Variants in KMT2E observed in about 807,000 individuals in gnomAD.
The protein encoded by KMT2E is lysine methyltransferase 2E (inactive).
In KMT2E, 30 loss-of-function variants were observed where a neutral mutation model predicts 184.6. The ratio of observed to expected loss-of-function variants is 0.16; its 90% CI spans 0.12 to 0.22. KMT2E has a LOEUF of 0.22. Among genes scored for constraint, KMT2E ranks in the 10% least tolerant of loss-of-function variants. KMT2E has a pLI of 1.00. For synonymous variants in KMT2E, 815 were observed against 776.5 expected, an observed-to-expected ratio of 1.05 and a Z score of -0.82; for missense variants, 2,023 against 2,237.4, an observed-to-expected ratio of 0.90 and a Z score of 1.93.
At chr7:105,040,358 A>G (rs911811158) in intron 2 of KMT2E, among the ~76,000 whole-genome samples, 5 of 152,164 alleles carry the variant, frequency 3.3e-5, no homozygotes, top group South Asian at 2.1e-4. Context: ...GCTTTTCGGT[A>G]TTAGCCTGTT....
intron 15 of KMT2E, among the ~76,000 whole-genome samples, chr7:105,091,853 TAGGAC>T (rs1798219328): frequency 6.6e-6 from 1 of 152,212 alleles, no homozygotes; most frequent in African/African-American, 2.4e-5. Context: ...GTATAAAAAT[TAGGAC>T]AGGATATTTT....
chr7:105,065,024 C>A (rs1378858187), intron 5 of KMT2E, among the ~76,000 whole-genome samples: 4 of 151,920 alleles, frequency 2.6e-5, no homozygotes, highest in Admixed American at 2.0e-4. Flanking sequence ...TTTTTATATC[C>A]ATCTACAAAT....
At chr7:105,085,807 T>C (rs1797940216) in intron 13 of KMT2E, among the ~76,000 whole-genome samples, 1 of 151,256 alleles carries the variant, frequency 6.6e-6, no homozygotes, top group East Asian at 2.0e-4. Flanking sequence ...CCTCGGAGAG[T>C]ATAGGCACCC....
chr7:105,105,494 A>T lies in KMT2E; in HGVS notation c.2252A>T (p.Asp751Val). ...AATGAGAAGACAGGAAAACCTTCAG[A>T]TGGCCTTTCAGAAAGGCCTCTACGC... Reference protein sequence around the residue: ...EKNEKTGKPSDGLSERPLRIT... With the variant: ...EKNEKTGKPSVGLSERPLRIT... The change falls in exon 18 of 27, where the codon GAT becomes GTT. Residue 751 changes from aspartate to valine, a missense_variant. Asp to Val is a radical substitution (Grantham distance 152). Around this residue, in one of 8 missense-constraint regions of KMT2E, gnomAD observed 514 missense variants for 621.8 expected, o/e 0.83. Coordinates refer to ENST00000311117, the MANE Select transcript of KMT2E (RefSeq NM_182931.3). The T allele has an allele frequency of 6.2e-7, 1 of 1,611,302 alleles. No homozygotes were observed. Among genetic ancestry groups the T allele is most frequent in the African/African-American group, 1.3e-5 (1 of 74,944 alleles).
intron 8 of KMT2E, 36 bp downstream of exon 8, chr7:105,074,851 A>G: frequency 6.7e-7 from 1 of 1,489,294 alleles, no homozygotes; most frequent in Non-Finnish European, 9.0e-7. Context: ...AGTGGATAGG[A>G]TAGCGGATAG....
At chr7:105,016,397 C>G (rs2129563696) in intron 1 of KMT2E, among the ~76,000 whole-genome samples, 1 of 152,188 alleles carries the variant, frequency 6.6e-6, no homozygotes, top group East Asian at 1.9e-4. Flanking sequence ...AGTAAGGCTC[C>G]GATTCTGGAT....
chr7:105,079,682 G>A (rs1398311092), intron 12 of KMT2E, among the ~76,000 whole-genome samples: 1 of 150,834 alleles, frequency 6.6e-6, no homozygotes, highest in African/African-American at 2.4e-5. Flanking sequence ...GTGCAACCAT[G>A]CCCAGCTAAT....
chr7:105,096,485 C>T (rs751582724), intron 15 of KMT2E, among the ~76,000 whole-genome samples: 57 of 151,900 alleles, frequency 3.8e-4, no homozygotes, highest in Admixed American at 3.3e-4. Flanking sequence ...ATTTGAGAAA[C>T]GGTGAAAGGG....
Position 105,065,803 on chromosome 7 carries a change from G to T in KMT2E, c.417-924G>T, listed in dbSNP as rs145865069. ...AACCATGGATAAGGGGGAAGCTACT[G>T]TAGTTATATATTAGAAGTAGTTTAT... On this transcript the variant is annotated intron_variant, in intron 5 of 26. Transcript: ENST00000311117. Among the ~76,000 whole-genome samples the T allele has an allele frequency of 2.6e-5, 4 of 152,254 alleles. No individual in the cohort carries two copies. In the East Asian group the frequency reaches 7.7e-4, roughly 29 times the overall value.
At position 105,110,417 on chromosome 7, in the gene KMT2E, T is replaced by G. The variant is rs374474124; in HGVS notation, c.3844+49T>G. 5.0e-6 allele frequency: 8 copies of G among 1,613,940 alleles called. No individual in the cohort carries two copies. In the African/African-American group the frequency reaches 1.1e-4, roughly 22 times the overall value. On this transcript the variant is annotated intron_variant, in intron 24 of 26. Transcript: ENST00000311117. ...AGAAAGTGGAATCAGTTAATCACTC[T>G]GCATCCTCGTTCTTTGCAGCTCTAA...
intron 4 of KMT2E, among the ~76,000 whole-genome samples, chr7:105,062,721 A>G (rs907908276): frequency 5.9e-5 from 9 of 151,870 alleles, no homozygotes; most frequent in Non-Finnish European, 1.3e-4. Context: ...ACTTCATGAG[A>G]TGTAGTTTTC....
At position 105,033,763 on chromosome 7, in the gene KMT2E, TG is replaced by T. The variant is rs200891161; in HGVS notation, c.-188-4362del. Among the ~76,000 whole-genome samples, 1,445 of 152,250 alleles carry T rather than the reference TG, an allele frequency of 9.5e-3. 30 individuals are homozygous for T. The highest frequency in any genetic ancestry group is 0.033 in the African/African-American group (1,383 of 41,546). ...ATCCGCCTGCCTCGGCCTCCCAAAG[TG>T]CTGGGATTACAGGTGTGAGCTACTG... is the stretch of plus-strand genomic sequence containing the variant. On this transcript the variant is annotated intron_variant, in intron 1 of 26. Coordinates refer to ENST00000311117, the MANE Select transcript of KMT2E (RefSeq NM_182931.3).
intron 1 of KMT2E, among the ~76,000 whole-genome samples, chr7:105,037,053 TCA>T (rs931884521): frequency 3.3e-5 from 5 of 152,232 alleles, no homozygotes; most frequent in Non-Finnish European, 7.3e-5. Context: ...ATTTCCAGTC[TCA>T]GTTACATGTC....
chr7:105,084,067 T>C (rs1797867081), intron 13 of KMT2E, among the ~76,000 whole-genome samples: 1 of 152,206 alleles, frequency 6.6e-6, no homozygotes, highest in Admixed American at 6.5e-5. Flanking sequence ...AAAAGGTATA[T>C]TGCAAAAAGT....
At chr7:105,098,431 G>C (rs1282426867) in intron 15 of KMT2E, among the ~76,000 whole-genome samples, 1 of 152,036 alleles carries the variant, frequency 6.6e-6, no homozygotes, top group African/African-American at 2.4e-5. Context: ...TCCTGAGACA[G>C]AGTCTTGCTT....
chr7:105,101,480 A>G lies in KMT2E; in HGVS notation c.1778A>G (p.Lys593Arg). The change falls in exon 16 of 27, where the codon AAG becomes AGG. Residue 593 changes from lysine (K) to arginine (R), a missense_variant. Coordinates refer to ENST00000311117, the MANE Select transcript of KMT2E (RefSeq NM_182931.3). Reference sequence around the variant, plus strand: ...TTGCAAGCTTTTGCCAGACTTGAAAAGAGAGAGAAAAGAAGAGAACAAGCT... The same window carrying G: ...TTGCAAGCTTTTGCCAGACTTGAAAGGAGAGAGAAAAGAAGAGAACAAGCT... ...AILQAFARLE[K>R]REKRREQALE... 1 of 1,586,918 alleles carries G rather than the reference A, an allele frequency of 6.3e-7. No homozygotes were observed. Among genetic ancestry groups the G allele is most frequent in the Non-Finnish European group, 8.5e-7 (1 of 1,170,576 alleles).
intron 1 of KMT2E, among the ~76,000 whole-genome samples, chr7:105,023,750 A>G (rs146383826): frequency 3.2e-4 from 49 of 152,238 alleles, no homozygotes; most frequent in Non-Finnish European, 5.6e-4. Context: ...CGGCTCCGTT[A>G]AGCAATTTTT....
chr7:105,056,685 C>T (rs1796581282), intron 3 of KMT2E, among the ~76,000 whole-genome samples: 1 of 152,104 alleles, frequency 6.6e-6, no homozygotes, highest in East Asian at 1.9e-4. Context: ...TTATTGTGAA[C>T]TAAAGTTATA....
intron 3 of KMT2E, among the ~76,000 whole-genome samples, chr7:105,045,465 T>C (rs1318114134): frequency 6.6e-6 from 1 of 152,234 alleles, no homozygotes; most frequent in African/African-American, 2.4e-5. Context: ...CCCCTTCTCC[T>C]AGTACCTCAT....
Sources: gnomAD v4.1 joint callset for allele counts (sites outside exome capture counted in the v4.1 genomes callset) on GRCh38, gnomAD v4.1.1 for gene constraint, gnomAD v4.1.1 regional missense constraint, MANE v1.5 for transcripts, NCBI Gene and HGNC (gene_info 2026-07-23, HGNC 2026-07-21) for gene names.